LPIN2: variants seen among roughly 807,000 people sequenced by gnomAD.
The protein encoded by LPIN2 is lipin 2.
In LPIN2, 55 loss-of-function variants were observed where a neutral mutation model predicts 111.4. That is an observed-to-expected ratio of 0.49 (90% confidence interval 0.40 to 0.62). The LOEUF is 0.62. Ranked by LOEUF, LPIN2 falls within the 20% of genes least tolerant of loss-of-function variation. The pLI, the probability that LPIN2 is intolerant of heterozygous loss-of-function variation, is 0.00. For synonymous variants in LPIN2, 425 were observed against 414.0 expected, an observed-to-expected ratio of 1.03 and a Z score of -0.32; for missense variants, 992 against 1,112.1, an observed-to-expected ratio of 0.89 and a Z score of 1.54.
intron 8 of LPIN2, among the ~76,000 whole-genome samples, chr18:2,931,715 T>G (rs2077216297): frequency 6.6e-6 from 1 of 152,214 alleles, no homozygotes; most frequent in Admixed American, 6.5e-5. Context: ...AATGCAAACA[T>G]TTCAACTGTG....
In LPIN2 at chr18:2,995,458, T is replaced by G. The variant is rs530003794; in HGVS notation, c.-10+17629A>C. Among the ~76,000 whole-genome samples the G allele has an allele frequency of 9.9e-5, 15 of 151,820 alleles. No homozygotes were observed. The East Asian group carries it at 2.3e-3, about 24-fold the overall frequency. On this transcript the variant is annotated intron_variant, in intron 1 of 19. Coordinates refer to ENST00000677752, the MANE Select transcript of LPIN2 (RefSeq NM_001375808.2). Reference sequence around the variant, plus strand: ...CAAGTTTTGGTGTAAAACTGTTTAGTCACATCTACACTCTAGTATGAATAT... The same window carrying G: ...CAAGTTTTGGTGTAAAACTGTTTAGGCACATCTACACTCTAGTATGAATAT...
intron 1 of LPIN2, among the ~76,000 whole-genome samples, chr18:3,002,162 G>A (rs2078442747): frequency 6.9e-6 from 1 of 145,772 alleles, no homozygotes; most frequent in Non-Finnish European, 1.5e-5. Context: ...CAGGGGGAAG[G>A]TCCATTTCCA....
Position 2,931,454 on chromosome 18 carries a change from G to C in LPIN2, c.1269-11C>G, listed in dbSNP as rs892915919. 1 of 1,567,966 alleles carries C rather than the reference G, an allele frequency of 6.4e-7. No individual in the cohort carries two copies. The highest frequency in any genetic ancestry group is 8.6e-7 in the Non-Finnish European group (1 of 1,156,812). On this transcript the variant is annotated splice_polypyrimidine_tract_variant and intron_variant, in intron 8 of 19. Transcript: ENST00000677752. ...CCGGGCTCCGATTCACTGTGGACAGGGGATGGGGAAAAGATGTGCTTTATT... is the reference window on the plus strand; with the variant it reads ...CCGGGCTCCGATTCACTGTGGACAGCGGATGGGGAAAAGATGTGCTTTATT...
At chr18:3,002,149 T>C (rs2078442611) in intron 1 of LPIN2, among the ~76,000 whole-genome samples, 1 of 149,086 alleles carries the variant, frequency 6.7e-6, no homozygotes, top group Non-Finnish European at 1.5e-5. Flanking sequence ...GATACCACAC[T>C]TACAGGGGGA....
At chr18:2,999,461 CG>C (rs1230621011) in intron 1 of LPIN2, among the ~76,000 whole-genome samples, 1 of 151,944 alleles carries the variant, frequency 6.6e-6, no homozygotes, top group Non-Finnish European at 1.5e-5. Context: ...AAAAATTAGC[CG>C]GGCGCGGTTG....
chr18:2,991,298 ACT>A (rs1297381696), intron 1 of LPIN2, among the ~76,000 whole-genome samples: 1 of 152,232 alleles, frequency 6.6e-6, no homozygotes, highest in Non-Finnish European at 1.5e-5. Flanking sequence ...AAAATTGTCA[ACT>A]TTTTTTAAAA....
chr18:2,976,089 T>A (rs1390417410), intron 1 of LPIN2, among the ~76,000 whole-genome samples: 6 of 152,182 alleles, frequency 3.9e-5, no homozygotes, highest in Admixed American at 3.9e-4. Flanking sequence ...GGGAAGGACA[T>A]GTTAAACTTT....
intron 1 of LPIN2, among the ~76,000 whole-genome samples, chr18:2,989,199 A>G (rs906037907): frequency 1.3e-4 from 20 of 152,204 alleles, no homozygotes; most frequent in Non-Finnish European, 2.5e-4. Context: ...CAAACCAGCT[A>G]GAGCTCAAGA....
intron 8 of LPIN2, among the ~76,000 whole-genome samples, chr18:2,932,066 T>A (rs1302938699): frequency 1.3e-5 from 2 of 151,902 alleles, no homozygotes; most frequent in African/African-American, 4.8e-5. Context: ...AAAGATGAGG[T>A]TACTGAATAT....
At chr18:2,964,391 G>A (rs1348782968) in intron 1 of LPIN2, among the ~76,000 whole-genome samples, 2 of 149,050 alleles carry the variant, frequency 1.3e-5, no homozygotes, top group African/African-American at 2.5e-5. Context: ...AAGCCCTGAC[G>A]CCCAATGTGA....
In LPIN2 at chr18:2,919,915, G is replaced by A. The variant is rs1038365698; in HGVS notation, c.*378C>T. The stretch of plus-strand genomic sequence containing the variant: ...CCTGGTTACAGAAGCCACCTCAACT[G>A]CCCAGTGGAAACTGGAACACTTCAC... On this transcript the variant is annotated 3_prime_UTR_variant, in exon 20 of 20. Coordinates refer to ENST00000677752, the MANE Select transcript of LPIN2 (RefSeq NM_001375808.2). The A allele has an allele frequency of 3.0e-6, 1 of 329,490 alleles. No homozygotes were observed. The highest frequency in any genetic ancestry group is 2.7e-5 in the South Asian group (1 of 37,034). The allele number at this position is 329,490 out of a possible 1,614,324, so 20.4% of individuals were successfully genotyped here.
rs1233668641 is a variant in LPIN2 at position 2,937,926 on chromosome 18, C to G, written c.934G>C (p.Glu312Gln). 6 of 1,614,032 alleles carry G rather than the reference C, an allele frequency of 3.7e-6. No individual in the cohort carries two copies. Among genetic ancestry groups the G allele is most frequent in the Non-Finnish European group, 5.1e-6 (6 of 1,180,042 alleles). The change falls in exon 7 of 20, where the codon GAG becomes CAG. Residue 312 changes from glutamate to glutamine, a missense_variant. Transcript: ENST00000677752. ...PSEDNLISEV[E>Q]KDASMEDTVC... is the part of the protein sequence containing the mutation. ...GTGTCTTCCATGGAAGCATCCTTCT[C>G]AACTTCACTGATGAGGTTGTCCTCA...
chr18:2,931,460 G>T lies in LPIN2; in HGVS notation c.1269-17C>A. The T allele has an allele frequency of 6.4e-7, 1 of 1,560,482 alleles. No individual in the cohort carries two copies. The highest frequency in any genetic ancestry group is 1.2e-5 in the South Asian group (1 of 85,404). On this transcript the variant is annotated splice_polypyrimidine_tract_variant and intron_variant, in intron 8 of 19. Transcript: ENST00000677752. ...TCCGATTCACTGTGGACAGGGGATG[G>T]GGAAAAGATGTGCTTTATTACAACT... is the stretch of plus-strand genomic sequence containing the variant.
At chr18:3,006,833 T>C (rs2078524370) in intron 1 of LPIN2, among the ~76,000 whole-genome samples, 1 of 146,884 alleles carries the variant, frequency 6.8e-6, no homozygotes, top group South Asian at 2.1e-4. Flanking sequence ...CGAGACTCTG[T>C]CTCAAAAAAA....
In LPIN2 at chr18:2,922,081, G is replaced by A; in HGVS notation, c.2293C>T (p.Leu765=). ...GTILPRGPLM[L]SPSSLFSAFH... Reference sequence around the variant, plus strand: ...GCGGAGAACAAGCTGCTGGGGGACAGCATCAGGGGGCCCCGGGGCAAGATT... The same window carrying A: ...GCGGAGAACAAGCTGCTGGGGGACAACATCAGGGGGCCCCGGGGCAAGATT... The change falls in exon 17 of 20, where the codon CTG becomes TTG. Residue 765 remains leucine (L), a synonymous_variant. Coordinates refer to ENST00000677752, the MANE Select transcript of LPIN2 (RefSeq NM_001375808.2). 6.2e-7 allele frequency: 1 copy of A among 1,613,846 alleles called. No individual in the cohort carries two copies. Among genetic ancestry groups the A allele is most frequent in the Non-Finnish European group, 8.5e-7 (1 of 1,179,962 alleles).
chr18:2,942,543 G>C (rs188612617), intron 4 of LPIN2, among the ~76,000 whole-genome samples: 5 of 152,256 alleles, frequency 3.3e-5, no homozygotes, highest in Admixed American at 3.3e-4. Context: ...GGTAAGCCAA[G>C]AAGAATTCAG....
chr18:2,946,638 T>C (rs2143060677), intron 4 of LPIN2: 1 of 672,464 alleles, frequency 1.5e-6, no homozygotes, highest in East Asian at 2.7e-5. Context: ...ACCTCAGTTT[T>C]TTAAAGTGAG....
At chr18:2,983,438 C>T (rs545008843) in intron 1 of LPIN2, among the ~76,000 whole-genome samples, 2 of 152,344 alleles carry the variant, frequency 1.3e-5, no homozygotes, top group South Asian at 4.1e-4. Flanking sequence ...TCCTTGGCAG[C>T]TCTCAGTAAG....
At chr18:2,996,883 T>C (rs2078353376) in intron 1 of LPIN2, among the ~76,000 whole-genome samples, 1 of 152,242 alleles carries the variant, frequency 6.6e-6, no homozygotes, top group South Asian at 2.1e-4. Flanking sequence ...GCCTTGCCAA[T>C]GGCACCAAGT....
Sources: allele counts gnomAD v4.1 joint callset (sites outside exome capture counted in the v4.1 genomes callset), GRCh38; gene constraint gnomAD v4.1.1; transcripts MANE v1.5; gene names NCBI Gene and HGNC (gene_info 2026-07-23, HGNC 2026-07-21).